METTL15: variants seen among roughly 807,000 people sequenced by gnomAD.
METTL15 encodes methyltransferase 15, mitochondrial 12S rRNA N4-cytidine, also known as 12S rRNA N(4)-cytidine methyltransferase METTL15.
METTL15 carries 34 observed loss-of-function variants against 38.3 expected under a neutral mutation model. The observed-to-expected ratio is 0.89, with a 90% CI of 0.68 to 1.18. The LOEUF is 1.18. METTL15 is among the 50% of genes most tolerant of loss of function. The pLI, the probability that METTL15 is intolerant of heterozygous loss-of-function variation, is 0.00. For synonymous variants in METTL15, 162 were observed against 170.9 expected, an observed-to-expected ratio of 0.95 and a Z score of 0.41; for missense variants, 438 against 498.4, an observed-to-expected ratio of 0.88 and a Z score of 1.15.
At chr11:28,335,314 A>G (rs1849891642), downstream of METTL15, among the ~76,000 whole-genome samples, 1 of 152,096 alleles carries the variant, frequency 6.6e-6, no homozygotes, top group South Asian at 2.1e-4. Context: ...GGGGACTCAG[A>G]AAACCGAGGG....
chr11:28,401,687 C>T (rs1850632032), intron 5 of METTL15, among the ~76,000 whole-genome samples: 1 of 151,810 alleles, frequency 6.6e-6, no homozygotes, highest in Non-Finnish European at 1.5e-5. Context: ...CAGAGGGAAG[C>T]ACTTATTTGG....
chr11:28,352,654 C>A (rs1322734175), intron 4 of METTL15, among the ~76,000 whole-genome samples: 2 of 152,176 alleles, frequency 1.3e-5, no homozygotes, highest in Non-Finnish European at 2.9e-5. Context: ...TTGAACTCTT[C>A]TATCTCAGAT....
chr11:28,410,847 T>G (rs1850718533), intron 5 of METTL15: 1 of 152,046 alleles, frequency 6.6e-6, no homozygotes, highest in Non-Finnish European at 1.5e-5. Context: ...TATTTTCAGA[T>G]AATATGATTC....
intron 5 of METTL15, among the ~76,000 whole-genome samples, chr11:28,372,954 A>T (rs1268848865): frequency 2.0e-5 from 3 of 150,688 alleles, no homozygotes. Context: ...TGAACTCATC[A>T]TTTTTTATGG....
At chr11:28,305,418 A>G (rs1386560599) in intron 6 of METTL15, among the ~76,000 whole-genome samples, 2 of 152,158 alleles carry the variant, frequency 1.3e-5, no homozygotes, top group African/African-American at 4.8e-5. Flanking sequence ...ATTTTCTTGT[A>G]TTAACTCACT....
chr11:28,506,770 A>C (rs1166468667), intron 6 of METTL15, among the ~76,000 whole-genome samples: 1 of 131,110 alleles, frequency 7.6e-6, no homozygotes, highest in Non-Finnish European at 1.5e-5. Context: ...TTTGAGACAG[A>C]GTCTCACTCT....
intron 4 of METTL15, among the ~76,000 whole-genome samples, chr11:28,268,314 A>G (rs1590238857): frequency 6.6e-6 from 1 of 151,934 alleles, no homozygotes; most frequent in Non-Finnish European, 1.5e-5. Context: ...TTCATCAGTA[A>G]CTTAAATATA....
At chr11:28,194,706 T>C (rs1428024444) in intron 3 of METTL15, among the ~76,000 whole-genome samples, 1 of 152,106 alleles carries the variant, frequency 6.6e-6, no homozygotes, top group Non-Finnish European at 1.5e-5. Flanking sequence ...AAAAAAATTA[T>C]TTCACTAGCT....
intron 6 of METTL15, among the ~76,000 whole-genome samples, chr11:28,521,737 T>C (rs552091992): frequency 1.3e-5 from 2 of 152,206 alleles, no homozygotes; most frequent in South Asian, 4.1e-4. Context: ...TCCTGGTTCC[T>C]TCCATGTCCT....
intron 6 of METTL15, among the ~76,000 whole-genome samples, chr11:28,523,893 A>G (rs943528785): frequency 6.6e-6 from 1 of 152,190 alleles, no homozygotes; most frequent in African/African-American, 2.4e-5. Flanking sequence ...ATGTCTGGAG[A>G]TATTTTTGTT....
At chr11:28,252,684 A>T (rs1022961434) in intron 4 of METTL15, among the ~76,000 whole-genome samples, 1 of 152,014 alleles carries the variant, frequency 6.6e-6, no homozygotes, top group African/African-American at 2.4e-5. Flanking sequence ...CTATGGGAGC[A>T]TCCTCATCAA....
At chr11:28,226,637 G>A (rs1853490883) in intron 4 of METTL15, among the ~76,000 whole-genome samples, 1 of 151,834 alleles carries the variant, frequency 6.6e-6, no homozygotes, top group South Asian at 2.1e-4. Flanking sequence ...ATAGCGTCAG[G>A]TTTGCTGCTT....
intron 5 of METTL15, among the ~76,000 whole-genome samples, chr11:28,415,293 G>T (rs986266951): frequency 5.3e-5 from 8 of 152,126 alleles, no homozygotes; most frequent in Non-Finnish European, 5.9e-5. Flanking sequence ...GTCATAGTTA[G>T]GACAGTAGAT....
At position 28,178,674 on chromosome 11, in the gene METTL15, ATG is replaced by A. The variant is rs761161389; in HGVS notation, c.271-32384_271-32383del. On this transcript the variant is annotated intron_variant, in intron 3 of 6. Coordinates refer to ENST00000407364, the MANE Select transcript of METTL15 (RefSeq NM_001113528.2). ...GTGTAACATTTAATCATTTGTCTGT[ATG>A]TGTTACTTTTTAATAGTCCCATTTT... Among the ~76,000 whole-genome samples, 9 of 151,820 alleles carry A rather than the reference ATG, an allele frequency of 5.9e-5. No homozygotes were observed. In the East Asian group the frequency reaches 1.7e-3, roughly 29 times the overall value.
At chr11:28,336,258 T>A (rs1043605651), downstream of METTL15, among the ~76,000 whole-genome samples, 5 of 152,268 alleles carry the variant, frequency 3.3e-5, no homozygotes, top group Admixed American at 2.6e-4. Context: ...AAAGATGGGA[T>A]AAGAGGAGCC....
At chr11:28,249,969 GTT>G (rs1240848166) in intron 4 of METTL15, among the ~76,000 whole-genome samples, 4 of 151,942 alleles carry the variant, frequency 2.6e-5, no homozygotes, top group African/African-American at 9.7e-5. Context: ...GTAAGAACAT[GTT>G]GTATTTGGTT....
chr11:28,273,689 A>G (rs1042085124), intron 4 of METTL15, among the ~76,000 whole-genome samples: 3 of 152,074 alleles, frequency 2.0e-5, no homozygotes, highest in Admixed American at 2.0e-4. Context: ...AAATGTTTCT[A>G]ATTATTGGGA....
intron 6 of METTL15, among the ~76,000 whole-genome samples, chr11:28,468,850 T>C (rs1183996639): frequency 6.6e-6 from 1 of 152,190 alleles, no homozygotes; most frequent in Non-Finnish European, 1.5e-5. Context: ...CATGGTTGAA[T>C]GAAAGATTGA....
chr11:28,472,149 C>T (rs1306224522), intron 6 of METTL15, among the ~76,000 whole-genome samples: 5 of 152,076 alleles, frequency 3.3e-5, no homozygotes, highest in Non-Finnish European at 7.4e-5. Context: ...AAGAAATAGT[C>T]CCCTTAATTA....
Sources: gnomAD v4.1 joint callset for allele counts (sites outside exome capture counted in the v4.1 genomes callset) on GRCh38, gnomAD v4.1.1 for gene constraint, MANE v1.5 for transcripts, NCBI Gene and HGNC (gene_info 2026-07-23, HGNC 2026-07-21) for gene names.